WLS: variants seen among roughly 807,000 people sequenced by gnomAD.
WLS encodes the protein protein wntless homolog.
WLS carries 23 observed loss-of-function variants against 62.8 expected under a neutral mutation model. That is an observed-to-expected ratio of 0.37 (90% CI 0.26 to 0.52). WLS has a LOEUF of 0.52. Ranked by LOEUF, WLS falls within the 20% of genes least tolerant of loss-of-function variation. WLS has a pLI of 0.92. For missense variants in WLS, 615 were observed against 697.3 expected (o/e 0.88, Z 1.33); for synonymous variants, 246 against 244.1 (o/e 1.01, Z -0.07).
chr1:68,190,626 A>C (rs1366461870), intron 2 of WLS, among the ~76,000 whole-genome samples: 1 of 152,218 alleles, frequency 6.6e-6, no homozygotes, highest in Non-Finnish European at 1.5e-5. Flanking sequence ...GCTTGGAAGC[A>C]GATCCCCCTT....
In WLS at chr1:68,163,970, G is replaced by GCT. The variant is rs1570929323; in HGVS notation, c.380-4724_380-4723insAG. On this transcript the variant is annotated intron_variant, in intron 2 of 11. Transcript: ENST00000262348. ...TTCTACGGTGGCTTAAAGCTGACAT[G>GCT]GCAGCATGGCAGATCCCTGGTTCTC... Among the ~76,000 whole-genome samples, 4 of 152,270 alleles carry GCT rather than the reference G, an allele frequency of 2.6e-5. No individual in the cohort carries two copies. In the East Asian group the frequency reaches 7.7e-4, roughly 29 times the overall value.
chr1:68,178,858 G>A (rs1570958909), intron 2 of WLS, among the ~76,000 whole-genome samples: 2 of 152,088 alleles, frequency 1.3e-5, no homozygotes, highest in Non-Finnish European at 2.9e-5. Flanking sequence ...AATGCCTATC[G>A]AATGAATGAA....
At chr1:68,229,929 G>T (rs1650334035) in intron 1 of WLS, among the ~76,000 whole-genome samples, 1 of 152,216 alleles carries the variant, frequency 6.6e-6, no homozygotes, top group African/African-American at 2.4e-5. Context: ...GCTAGTTACA[G>T]TTAGCACCTG....
At position 68,126,287 on chromosome 1, in the gene WLS, A is replaced by C. The variant is rs1557458554; in HGVS notation, c.1565T>G (p.Ile522Ser). The C allele has an allele frequency of 6.2e-7, 1 of 1,614,086 alleles. No individual in the cohort carries two copies. Among genetic ancestry groups the C allele is most frequent in the African/African-American group, 1.3e-5 (1 of 75,004 alleles). The change falls in exon 12 of 12, where the codon ATC becomes AGC. Residue 522 changes from isoleucine to serine, a missense_variant. Coordinates refer to ENST00000262348, the MANE Select transcript of WLS (RefSeq NM_024911.7). ...SGEELQLTTT[I>S]THVDGPTEIY... The stretch of plus-strand genomic sequence containing the variant: ...CTCAGTGGGTCCGTCCACATGGGTG[A>C]TAGTGGTGGTGAGCTGGAGTTCTTC...
chr1:68,165,094 G>C (rs2100520887), intron 2 of WLS, among the ~76,000 whole-genome samples: 1 of 152,298 alleles, frequency 6.6e-6, no homozygotes, highest in African/African-American at 2.4e-5. Context: ...AGTAGGAATT[G>C]GGACTTTAAA....
At chr1:68,107,510 T>TCAGTATCCTCATCTG (rs1179562303) in intron 11 of WLS, among the ~76,000 whole-genome samples, 1 of 152,170 alleles carries the variant, frequency 6.6e-6, no homozygotes, top group South Asian at 2.1e-4. Context: ...CCTCTTTGCC[T>TCAGTATCCTCATCTG]CAGTATCCTC....
At chr1:68,150,938 C>T (rs1399924402) in intron 5 of WLS, among the ~76,000 whole-genome samples, 1 of 152,080 alleles carries the variant, frequency 6.6e-6, no homozygotes, top group African/African-American at 2.4e-5. Flanking sequence ...TTTTTCCATC[C>T]CCTTGAAACA....
intron 11 of WLS, among the ~76,000 whole-genome samples, chr1:68,132,241 G>A (rs2100403895): frequency 6.6e-6 from 1 of 152,352 alleles, no homozygotes; most frequent in East Asian, 1.9e-4. Flanking sequence ...AGGGGTGCCA[G>A]GCTGGTGACG....
chr1:68,169,650 T>TA (rs1647116851), intron 2 of WLS, among the ~76,000 whole-genome samples: 1 of 152,204 alleles, frequency 6.6e-6, no homozygotes, highest in South Asian at 2.1e-4. Flanking sequence ...TCCTCACTGA[T>TA]ATGCCGCTTG....
At chr1:68,149,497 G>T (rs1646796999) in intron 6 of WLS, among the ~76,000 whole-genome samples, 2 of 152,168 alleles carry the variant, frequency 1.3e-5, no homozygotes, top group South Asian at 4.1e-4. Context: ...TCATGATTGA[G>T]CCATAATGGA....
intron 1 of WLS, among the ~76,000 whole-genome samples, chr1:68,207,519 CT>C (rs756185310): frequency 6.6e-6 from 1 of 152,310 alleles, no homozygotes; most frequent in East Asian, 1.9e-4. Flanking sequence ...AAAATTTACA[CT>C]GATTACCCTC....
In WLS at chr1:68,144,014, C is replaced by T. The variant is rs1424316253; in HGVS notation, c.1362+555G>A. ...GTGATGCTCAAATGAATAATAGATA[C>T]ATTAGATTTAAACAGTACTTCCCAC... is the stretch of plus-strand genomic sequence containing the variant. On this transcript the variant is annotated intron_variant, in intron 10 of 11. Transcript: ENST00000262348. Among the ~76,000 whole-genome samples the T allele has an allele frequency of 2.6e-5, 4 of 152,250 alleles. 1 individual carries two copies. Among genetic ancestry groups the T allele is most frequent in the South Asian group, 4.1e-4 (2 of 4,822 alleles).
intron 1 of WLS, among the ~76,000 whole-genome samples, chr1:68,208,303 T>C (rs914646523): frequency 1.3e-5 from 2 of 152,186 alleles, no homozygotes; most frequent in African/African-American, 4.8e-5. Flanking sequence ...CCTCCTCTCT[T>C]CAGATAAAGA....
At chr1:68,217,819 G>C (rs539149352) in intron 1 of WLS, among the ~76,000 whole-genome samples, 1 of 152,166 alleles carries the variant, frequency 6.6e-6, no homozygotes, top group Non-Finnish European at 1.5e-5. Flanking sequence ...CTTTGTGAGA[G>C]GGGTCTGGTT....
Position 68,217,874 on chromosome 1 carries a change from G to A in WLS, c.106+14320C>T, listed in dbSNP as rs186650139. 5.3e-5 allele frequency among the ~76,000 whole-genome samples: 8 copies of A among 152,276 alleles called. No individual in the cohort carries two copies. The East Asian group carries it at 1.5e-3, about 29-fold the overall frequency. On this transcript the variant is annotated intron_variant, in intron 1 of 11. Coordinates refer to ENST00000262348, the MANE Select transcript of WLS (RefSeq NM_024911.7). Reference sequence around the variant, plus strand: ...CATTAGGCATGGCAAGGACACAGCGGTTGATTAAATTAACAACTTTGGAGG... The same window carrying A: ...CATTAGGCATGGCAAGGACACAGCGATTGATTAAATTAACAACTTTGGAGG...
chr1:68,205,270 A>G lies in WLS; in HGVS notation c.107-11043T>C, dbSNP rs138363019. 5.8e-4 allele frequency among the ~76,000 whole-genome samples: 89 copies of G among 152,340 alleles called. 3 individuals carry two copies. In the East Asian group the frequency reaches 0.013, roughly 22 times the overall value. ...GGTTCTTCCAGATCCGTGTCAAGCA[A>G]TATATTAAATGAAATACTGAATTTT... On this transcript the variant is annotated intron_variant, in intron 1 of 11. Coordinates refer to ENST00000262348, the MANE Select transcript of WLS (RefSeq NM_024911.7).
intron 11 of WLS, among the ~76,000 whole-genome samples, chr1:68,108,910 C>T (rs1225253179): frequency 1.3e-5 from 2 of 151,970 alleles, no homozygotes; most frequent in Admixed American, 6.6e-5. Context: ...CTGGAGGGGC[C>T]CGTGTTAGTA....
chr1:68,125,441 G>A lies in WLS; in HGVS notation c.*785C>T, dbSNP rs556356550. 2 of 985,374 alleles carry A rather than the reference G, an allele frequency of 2.0e-6. No homozygotes were observed. The highest frequency in any genetic ancestry group is 1.1e-4 in the East Asian group (1 of 8,812). 61.0% of individuals were successfully genotyped at this position (985,374 alleles called of 1,614,324 possible). A position where few individuals can be genotyped will look rare whatever the true frequency, so the allele number is the denominator to read the frequency against. On this transcript the variant is annotated 3_prime_UTR_variant, in exon 12 of 12. Transcript: ENST00000262348. ...TTTAAATGATTGGATCTACACTTTT[G>A]GAGGCTATTTGAAGTATCTTATCAA...
At chr1:68,194,325 G>A in intron 1 of WLS, 98 bp from the exon 2 acceptor site, 1 of 1,447,284 alleles carries the variant, frequency 6.9e-7, no homozygotes, top group Non-Finnish European at 9.2e-7. Flanking sequence ...TCCAGCTTTT[G>A]TATCGCCTTC....
Sources: allele counts gnomAD v4.1 joint callset (sites outside exome capture counted in the v4.1 genomes callset), GRCh38; gene constraint gnomAD v4.1.1; transcripts MANE v1.5; gene names NCBI Gene and HGNC (gene_info 2026-07-23, HGNC 2026-07-21).